LIN7A: variants seen among roughly 807,000 people sequenced by gnomAD.
LIN7A encodes the protein protein lin-7 homolog A.
Under a neutral mutation model 29.8 loss-of-function variants are expected in LIN7A, and 25 were observed. The observed-to-expected ratio is 0.84, with a 90% CI of 0.61 to 1.17. The LOEUF is 1.17. LIN7A is among the 50% of genes most tolerant of loss of function. The probability of loss-of-function intolerance (pLI) is 0.00; values close to 1 mark genes in which losing one functional copy is unlikely to be tolerated. For missense variants in LIN7A, 239 were observed against 287.0 expected (o/e 0.83, Z 1.21); for synonymous variants, 118 against 107.5 (o/e 1.10, Z -0.60).
chr12:80,935,823 G>A (rs781716739), intron 1 of LIN7A: 14 of 490,606 alleles, frequency 2.9e-5, no homozygotes, highest in Admixed American at 5.9e-5. Context: ...GAGTTTGGCT[G>A]TGAACAAGAG....
chr12:80,890,521 C>A (rs1213142905), intron 1 of LIN7A, among the ~76,000 whole-genome samples: 1 of 152,138 alleles, frequency 6.6e-6, no homozygotes, highest in Admixed American at 6.5e-5. Flanking sequence ...AGCACAGCCA[C>A]CTTCAATAAA....
At position 80,931,592 on chromosome 12, in the gene LIN7A, C is replaced by T. The variant is rs370400224; in HGVS notation, c.82+6049G>A. Among the ~76,000 whole-genome samples the T allele has an allele frequency of 2.2e-4, 33 of 147,636 alleles. No homozygotes were observed. The East Asian group carries it at 6.0e-3, about 27-fold the overall frequency. ...GGCTGAGGTTGCAGTGAGCCGAGAT[C>T]ACACCACCACACTCCTGCCTGGGCA... is the stretch of plus-strand genomic sequence containing the variant. On this transcript the variant is annotated intron_variant, in intron 1 of 5. Coordinates refer to ENST00000552864, the MANE Select transcript of LIN7A (RefSeq NM_004664.4).
At chr12:80,802,827 C>G (rs1405190172) in intron 5 of LIN7A, among the ~76,000 whole-genome samples, 1 of 152,034 alleles carries the variant, frequency 6.6e-6, no homozygotes, top group East Asian at 1.9e-4. Flanking sequence ...TGATAACAGC[C>G]ATTCTAACAG....
At chr12:80,863,943 G>T (rs150566356) in intron 2 of LIN7A, among the ~76,000 whole-genome samples, 6 of 151,910 alleles carry the variant, frequency 3.9e-5, no homozygotes, top group Non-Finnish European at 7.4e-5. Flanking sequence ...TGAAGAAAAG[G>T]CAGCACCAAA....
At chr12:80,886,807 T>C (rs1345121731) in intron 2 of LIN7A, among the ~76,000 whole-genome samples, 1 of 152,138 alleles carries the variant, frequency 6.6e-6, no homozygotes, top group South Asian at 2.1e-4. Flanking sequence ...GATGTATTTA[T>C]AATGCCTATA....
chr12:80,914,114 C>T (rs1033382149), intron 1 of LIN7A, among the ~76,000 whole-genome samples: 3 of 152,276 alleles, frequency 2.0e-5, no homozygotes, highest in Admixed American at 6.5e-5. Flanking sequence ...CCATCAAGAT[C>T]TCTTTCTTCC....
chr12:80,792,674 A>G lies in LIN7A; in HGVS notation c.*5053T>C, dbSNP rs930092624. ...GGTGAGAAAATGATACTATTGTCCA[A>G]TCCTTTCCCGTAAATGTAAAATATC... On this transcript the variant is annotated 3_prime_UTR_variant, in exon 6 of 6. Transcript: ENST00000552864. 4 of 152,220 alleles carry G rather than the reference A, an allele frequency of 2.6e-5. No homozygotes were observed. Among genetic ancestry groups the G allele is most frequent in the Non-Finnish European group, 5.9e-5 (4 of 68,028 alleles). The allele number at this position is 152,220 out of a possible 1,614,324, so 9.4% of individuals were successfully genotyped here.
chr12:80,829,754 C>T (rs1872256669), intron 4 of LIN7A, among the ~76,000 whole-genome samples: 1 of 152,070 alleles, frequency 6.6e-6, no homozygotes, highest in Non-Finnish European at 1.5e-5. Flanking sequence ...ATCCCCCTTC[C>T]CCAAATAATA....
At chr12:80,808,209 C>T (rs73137252) in intron 5 of LIN7A, among the ~76,000 whole-genome samples, 37,215 of 152,072 alleles carry the variant, frequency 0.24, 5,315 homozygotes, top group Non-Finnish European at 0.33. Context: ...TCTTGTGATT[C>T]AGTCTCATCT....
At chr12:80,928,410 G>T (rs906981684) in intron 1 of LIN7A, among the ~76,000 whole-genome samples, 6 of 152,134 alleles carry the variant, frequency 3.9e-5, no homozygotes, top group Admixed American at 2.6e-4. Context: ...ACTGGTGTGA[G>T]ATGGCATCCC....
intron 4 of LIN7A, among the ~76,000 whole-genome samples, chr12:80,831,597 GC>G (rs1201244747): frequency 6.6e-6 from 1 of 152,126 alleles, no homozygotes; most frequent in Non-Finnish European, 1.5e-5. Flanking sequence ...GCCAATATAT[GC>G]AAAATTATAT....
At chr12:80,837,002 G>A (rs891125329) in intron 4 of LIN7A, among the ~76,000 whole-genome samples, 2 of 151,882 alleles carry the variant, frequency 1.3e-5, no homozygotes, top group Non-Finnish European at 2.9e-5. Context: ...AGAGGAGTCT[G>A]AATGGCTTTA....
At chr12:80,871,067 G>T (rs1874405981) in intron 2 of LIN7A, among the ~76,000 whole-genome samples, 1 of 152,164 alleles carries the variant, frequency 6.6e-6, no homozygotes, top group African/African-American at 2.4e-5. Flanking sequence ...CTACATTTTT[G>T]AAGGAGTCAG....
At chr12:80,866,305 A>G (rs1874132346) in intron 2 of LIN7A, among the ~76,000 whole-genome samples, 2 of 152,234 alleles carry the variant, frequency 1.3e-5, no homozygotes, top group South Asian at 2.1e-4. Context: ...ACATTTGAAT[A>G]TGGTTCAAAC....
chr12:80,881,439 C>T (rs78148991), intron 2 of LIN7A, among the ~76,000 whole-genome samples: 8,207 of 152,092 alleles, frequency 0.054, 251 homozygotes, highest in Admixed American at 0.095. Flanking sequence ...AATGCAATGC[C>T]ATTCCAGATG....
chr12:80,818,514 C>T (rs916683123), intron 4 of LIN7A, among the ~76,000 whole-genome samples: 16 of 151,988 alleles, frequency 1.1e-4, no homozygotes, highest in Admixed American at 1.0e-3. Flanking sequence ...TTTCTAGAGT[C>T]GAGGCTCTTA....
intron 1 of LIN7A, among the ~76,000 whole-genome samples, chr12:80,915,241 T>C (rs1470123144): frequency 6.7e-6 from 1 of 148,736 alleles, no homozygotes; most frequent in African/African-American, 2.5e-5. Flanking sequence ...AAAGAAGACA[T>C]ACAAGTGACT....
chr12:80,845,997 A>G, intron 3 of LIN7A, 58 bp from the exon 4 acceptor site: 1 of 1,466,708 alleles, frequency 6.8e-7, no homozygotes, highest in Non-Finnish European at 9.1e-7. Context: ...ATAAAGGCTA[A>G]TCATATGCTT....
At chr12:80,890,916 A>C (rs898686765) in intron 1 of LIN7A, among the ~76,000 whole-genome samples, 1 of 152,120 alleles carries the variant, frequency 6.6e-6, no homozygotes. Flanking sequence ...AACAGAGACA[A>C]AAATTCTACC....
Sources: gnomAD v4.1 joint callset for allele counts (sites outside exome capture counted in the v4.1 genomes callset) on GRCh38, gnomAD v4.1.1 for gene constraint, MANE v1.5 for transcripts, NCBI Gene and HGNC (gene_info 2026-07-23, HGNC 2026-07-21) for gene names.